CHID1: variants seen among roughly 807,000 people sequenced by gnomAD.
CHID1 encodes chitinase domain-containing protein 1.
In CHID1, 44 loss-of-function variants were observed where a neutral mutation model predicts 55.4. That is an observed-to-expected ratio of 0.79 (90% CI 0.62 to 1.02). CHID1 has a LOEUF of 1.02. Among genes scored for constraint, CHID1 ranks in the 50% least tolerant of loss-of-function variants. CHID1 has a pLI of 0.00. For synonymous variants in CHID1, 216 were observed against 212.9 expected (o/e 1.01, Z -0.13); for missense variants, 491 against 515.3 (o/e 0.95, Z 0.46).
rs1851941918 is a variant in CHID1 at position 903,067 on chromosome 11, C to T, written c.156G>A (p.Val52=). ...DKPVQDRGLV[V]TDLKAESVVL... is the part of the protein sequence containing the mutation. Reference sequence around the variant, plus strand: ...CCACACTCTCAGCTTTGAGGTCCGTCACCACCAAACCCCGGTCTTGCACCG... The same window carrying T: ...CCACACTCTCAGCTTTGAGGTCCGTTACCACCAAACCCCGGTCTTGCACCG... Residue 52 remains valine (V), a synonymous_variant, in exon 3 of 13, where the codon GTG becomes GTA. Transcript: ENST00000323578. 6.2e-7 allele frequency: 1 copy of T among 1,613,392 alleles called. No individual in the cohort carries two copies. Among genetic ancestry groups the T allele is most frequent in the African/African-American group, 1.3e-5 (1 of 74,940 alleles).
At chr11:878,726 G>A (rs1257620026) in intron 10 of CHID1, among the ~76,000 whole-genome samples, 1 of 151,196 alleles carries the variant, frequency 6.6e-6, no homozygotes, top group Non-Finnish European at 1.5e-5. Context: ...ATTTGAGACA[G>A]AGTCTCGCAC....
intron 10 of CHID1, among the ~76,000 whole-genome samples, chr11:880,185 C>T (rs763614027): frequency 2.0e-4 from 30 of 152,248 alleles, no homozygotes; most frequent in Non-Finnish European, 2.2e-4. Flanking sequence ...CTCGCCTGTG[C>T]GGAGCCCCGC....
At chr11:892,899 G>A (rs890862652) in intron 8 of CHID1, among the ~76,000 whole-genome samples, 3 of 152,230 alleles carry the variant, frequency 2.0e-5, no homozygotes, top group Admixed American at 6.5e-5. Context: ...CAGGGTGGCC[G>A]CCTCCTGTGA....
intron 7 of CHID1, among the ~76,000 whole-genome samples, chr11:897,604 G>A (rs538097016): frequency 2.3e-4 from 35 of 152,354 alleles, no homozygotes; most frequent in Middle Eastern, 3.4e-3. Flanking sequence ...GGGCCCCTCA[G>A]AGGCTGTGCA....
At chr11:903,227 A>T in intron 2 of CHID1, 116 bp from the exon 3 acceptor site, 1 of 1,039,360 alleles carries the variant, frequency 9.6e-7, no homozygotes, top group South Asian at 1.5e-5. Flanking sequence ...GGATCCACAC[A>T]GTGCTGCTGA....
rs890990371 is a variant in CHID1, at chr11:899,232, A to G, written c.608+108T>C. The G allele has an allele frequency of 4.7e-6, 5 of 1,066,058 alleles. No homozygotes were observed. In the African/African-American group the frequency reaches 6.3e-5, roughly 13 times the overall value. The allele number at this position is 1,066,058 out of a possible 1,614,324, so 66.0% of individuals were successfully genotyped here. ...GCAGCCCCGTCCCCACCCCAGGCAC[A>G]GGGACTGTGGAAGGAAGGCCCTCCC... On this transcript the variant is annotated intron_variant, in intron 7 of 12. Coordinates refer to ENST00000323578, the MANE Select transcript of CHID1 (RefSeq NM_023947.4).
chr11:870,619 A>C, intron 10 of CHID1, 120 bp from the exon 11 acceptor site: 3 of 709,176 alleles, frequency 4.2e-6, no homozygotes, highest in Non-Finnish European at 7.5e-6. Context: ...CACTGTCCCC[A>C]GTGGTCTGGG....
chr11:902,506 C>A (rs1004442731), intron 3 of CHID1, among the ~76,000 whole-genome samples, 176 bp from the exon 4 acceptor site: 1 of 152,222 alleles, frequency 6.6e-6, no homozygotes, highest in Non-Finnish European at 1.5e-5. Context: ...TGGACTGCCA[C>A]TCACAGCCTG....
chr11:910,585 C>T (rs984870040), intron 1 of CHID1, 190 bp downstream of exon 1: 14 of 1,205,564 alleles, frequency 1.2e-5, no homozygotes, highest in Non-Finnish European at 1.4e-5. Flanking sequence ...CCTCTCTCAC[C>T]CTCGTCCTCA....
rs528314551 is a variant in CHID1, at chr11:910,459, G to A, written c.-44+316C>T. 2.6e-5 allele frequency among the ~76,000 whole-genome samples: 4 copies of A among 152,264 alleles called. No individual in the cohort carries two copies. The East Asian group carries it at 5.8e-4, about 22-fold the overall frequency. The stretch of plus-strand genomic sequence containing the variant: ...TTCCACCCAGCGCGCCTAGCTCTCA[G>A]GCTTGCTCGCCCCAGCGCACGCGCT... On this transcript the variant is annotated intron_variant, in intron 1 of 12. Coordinates refer to ENST00000323578, the MANE Select transcript of CHID1 (RefSeq NM_023947.4).
At position 904,754 on chromosome 11, in the gene CHID1, C is replaced by A. The variant is rs1362721223; in HGVS notation, c.63G>T (p.Leu21=). The A allele has an allele frequency of 1.9e-6, 3 of 1,614,106 alleles. No individual in the cohort carries two copies. The highest frequency in any genetic ancestry group is 4.5e-5 in the East Asian group (2 of 44,894). ...ALACSPVHTT[L]SKSDAKKAAS... ...CGGCTTTTTTGGCATCTGACTTTGA[C>A]AGGGTAGTGTGAACAGGGCTGCAGG... The change falls in exon 2 of 13, where the codon CTG becomes CTT. Residue 21 remains leucine (L), a synonymous_variant. Transcript: ENST00000323578.
In CHID1 at chr11:900,048, CCTCA is replaced by C; in HGVS notation, c.498_501del (p.Ser166ArgfsTer4). 3.1e-6 allele frequency: 5 copies of C among 1,614,138 alleles called. No homozygotes were observed. The highest frequency in any genetic ancestry group is 4.2e-6 in the Non-Finnish European group (5 of 1,180,008). ...GTCTTGCTCAGCTCCTCTATCTCATCCTCACTGTCTAAGACGTTCCGGAAATCAT... is the reference window on the plus strand; with the variant it reads ...GTCTTGCTCAGCTCCTCTATCTCATCCTGTCTAAGACGTTCCGGAAATCAT... On this transcript the variant is annotated frameshift_variant, in exon 6 of 13. Coordinates refer to ENST00000323578, the MANE Select transcript of CHID1 (RefSeq NM_023947.4). LOFTEE classifies it high-confidence loss of function.
At chr11:887,530 C>T (rs1031782208) in intron 8 of CHID1, among the ~76,000 whole-genome samples, 26 of 152,334 alleles carry the variant, frequency 1.7e-4, no homozygotes, top group African/African-American at 5.8e-4. Flanking sequence ...ACGTGCTCCA[C>T]GGTTCTGCTT....
At chr11:883,057 C>T (rs1236429266) in intron 10 of CHID1, 91 bp downstream of exon 10, 8 of 1,376,856 alleles carry the variant, frequency 5.8e-6, no homozygotes, top group Non-Finnish European at 8.0e-6. Context: ...CCCAGGGGAC[C>T]GAGACCCTCC....
At position 882,963 on chromosome 11, in the gene CHID1, C is replaced by T. The variant is rs1256812647; in HGVS notation, c.959+185G>A. 26 of 610,700 alleles carry T rather than the reference C, an allele frequency of 4.3e-5. No individual in the cohort carries two copies. In the East Asian group the frequency reaches 7.3e-4, roughly 17 times the overall value. The allele number at this position is 610,700 out of a possible 1,614,324, so 37.8% of individuals were successfully genotyped here. A position where few individuals can be genotyped will look rare whatever the true frequency, so the allele number is the denominator to read the frequency against. On this transcript the variant is annotated intron_variant, in intron 10 of 12. Coordinates refer to ENST00000323578, the MANE Select transcript of CHID1 (RefSeq NM_023947.4). ...GTGTGGCCGTGTTATGGGTGGTGAC[C>T]ACAGTGGGGGCTGCGGTGGGGTGGG...
At chr11:884,257 G>A in intron 8 of CHID1, 88 bp from the exon 9 acceptor site, 1 of 954,670 alleles carries the variant, frequency 1.0e-6, no homozygotes, top group Middle Eastern at 3.1e-4. Context: ...TGCCTGTAGG[G>A]GACTTGGGTC....
intron 2 of CHID1, 98 bp from the exon 3 acceptor site, chr11:903,209 G>C (rs181605480): frequency 2.4e-6 from 3 of 1,249,720 alleles, no homozygotes; most frequent in South Asian, 1.4e-5. Flanking sequence ...GCCAGCAGCC[G>C]AGTCTCTGGA....
intron 1 of CHID1, among the ~76,000 whole-genome samples, chr11:910,006 C>T (rs1474308060): frequency 1.3e-5 from 2 of 151,922 alleles, no homozygotes; most frequent in Admixed American, 6.6e-5. Flanking sequence ...TTGCAGTGAA[C>T]CGAGATCGCG....
intron 8 of CHID1, among the ~76,000 whole-genome samples, chr11:885,161 T>C (rs1021332419): frequency 2.6e-5 from 4 of 152,194 alleles, no homozygotes; most frequent in Admixed American, 6.5e-5. Context: ...TCTCCCTCAG[T>C]TGTGACCCCT....
Sources: gnomAD v4.1 joint callset for allele counts (sites outside exome capture counted in the v4.1 genomes callset) on GRCh38, gnomAD v4.1.1 for gene constraint, MANE v1.5 for transcripts, NCBI Gene and HGNC (gene_info 2026-07-23, HGNC 2026-07-21) for gene names.